CCDC187: variants seen among roughly 807,000 people sequenced by gnomAD.
CCDC187 encodes coiled-coil domain-containing protein 187.
Under a neutral mutation model 38.0 loss-of-function variants are expected in CCDC187, and 32 were observed. The ratio of observed to expected loss-of-function variants is 0.84; its 90% CI spans 0.64 to 1.13. The LOEUF is 1.13. CCDC187 is among the 50% of genes most tolerant of loss of function. The pLI, the probability that CCDC187 is intolerant of heterozygous loss-of-function variation, is 0.00. For synonymous variants in CCDC187, 333 were observed against 347.9 expected, an observed-to-expected ratio of 0.96 and a Z score of 0.48; for missense variants, 707 against 786.8, an observed-to-expected ratio of 0.90 and a Z score of 1.21.
Position 136,251,077 on chromosome 9 carries a change from G to C in CCDC187, c.*2517C>G. The stretch of plus-strand genomic sequence containing the variant: ...CTGGAGTATGCTCCTCTCTGAAGTG[G>C]AGGAGGCCTGAGGCCCTGGACAGGA... On this transcript the variant is annotated 3_prime_UTR_variant, in exon 26 of 26. Transcript: ENST00000638797. The C allele has an allele frequency of 2.2e-6, 1 of 454,468 alleles. No homozygotes were observed. Among genetic ancestry groups the C allele is most frequent in the Non-Finnish European group, 4.4e-6 (1 of 225,452 alleles). 28.2% of individuals were successfully genotyped at this position (454,468 alleles called of 1,614,324 possible). A position where few individuals can be genotyped will look rare whatever the true frequency, so the allele number is the denominator to read the frequency against.
At chr9:136,280,331 T>C (rs1263160211) in intron 10 of CCDC187, among the ~76,000 whole-genome samples, 1 of 152,096 alleles carries the variant, frequency 6.6e-6, no homozygotes, top group African/African-American at 2.4e-5. Context: ...AGAGGGTGTG[T>C]GTGGAAGGAA....
chr9:136,261,951 C>T (rs577108666), intron 19 of CCDC187, among the ~76,000 whole-genome samples: 1 of 152,386 alleles, frequency 6.6e-6, no homozygotes, highest in African/African-American at 2.4e-5. Flanking sequence ...AAAACAGCTC[C>T]TCCTCCCATG....
chr9:136,285,828 G>T (rs1210898834), intron 8 of CCDC187: 3 of 396,950 alleles, frequency 7.6e-6, no homozygotes, highest in African/African-American at 4.1e-5. Context: ...GAACAAGACA[G>T]GAGCAATAGC....
chr9:136,275,088 C>CA (rs1211690529), intron 12 of CCDC187, 81 bp from the exon 13 acceptor site: 1 of 152,312 alleles, frequency 6.6e-6, no homozygotes, highest in East Asian at 1.9e-4. Context: ...GCGGTCAGGC[C>CA]AAGCCCAGTC....
chr9:136,272,654 G>A (rs1426413388), intron 14 of CCDC187, among the ~76,000 whole-genome samples: 2 of 150,998 alleles, frequency 1.3e-5, no homozygotes, highest in African/African-American at 4.9e-5. Flanking sequence ...AGTGAGCCAA[G>A]ATTGCACCTT....
At chr9:136,297,933 A>G (rs1831576034) in intron 3 of CCDC187, 112 bp from the exon 4 acceptor site, 2 of 394,040 alleles carry the variant, frequency 5.1e-6, no homozygotes, top group Admixed American at 8.9e-5. Flanking sequence ...CCCTAGAGCC[A>G]TACACATTGC....
In CCDC187 at chr9:136,283,299, G is replaced by A. The variant is rs972165524; in HGVS notation, c.2928-1636C>T. On this transcript the variant is annotated intron_variant, in intron 9 of 25. Transcript: ENST00000638797. ...AAAGAAACCAGTCTGAGAGGCGGCC[G>A]GGATCTGGGGCACCCGAGAGGCTCA... Among the ~76,000 whole-genome samples the A allele has an allele frequency of 1.3e-3, 194 of 152,326 alleles. 1 individual carries two copies. In the East Asian group the frequency reaches 0.031, roughly 24 times the overall value.
rs71483272 is a variant in CCDC187 at position 136,252,346 on chromosome 9, A to T, written c.*1248T>A. 1.2e-5 allele frequency: 1 copy of T among 86,604 alleles called. No homozygotes were observed. The highest frequency in any genetic ancestry group is 6.0e-4 in the East Asian group (1 of 1,658). The allele number at this position is 86,604 out of a possible 1,614,324, so 5.4% of individuals were successfully genotyped here. A position where few individuals can be genotyped will look rare whatever the true frequency, so the allele number is the denominator to read the frequency against. ...CCACCCTGGGAAGGTCCAGGCGACC[A>T]TCCCGCACAGCCGGCCGCCCACCCC... On this transcript the variant is annotated 3_prime_UTR_variant, in exon 26 of 26. Transcript: ENST00000638797.
chr9:136,293,622 G>A (rs1831438626), intron 4 of CCDC187, among the ~76,000 whole-genome samples: 1 of 150,594 alleles, frequency 6.6e-6, no homozygotes, highest in East Asian at 2.0e-4. Context: ...GCACGCCAAT[G>A]CTGACAGGCA....
intron 17 of CCDC187, among the ~76,000 whole-genome samples, chr9:136,265,296 T>G (rs1157841193): frequency 1.3e-5 from 2 of 152,132 alleles, no homozygotes; most frequent in African/African-American, 4.8e-5. Context: ...CAGCACCGAC[T>G]TTCCCTGGGG....
Position 136,286,672 on chromosome 9 carries a change from G to C in CCDC187, c.2246C>G (p.Ala749Gly), listed in dbSNP as rs1831190298. The C allele has an allele frequency of 2.5e-6, 1 of 398,718 alleles. No individual in the cohort carries two copies. The highest frequency in any genetic ancestry group is 4.4e-5 in the Admixed American group (1 of 22,718). 24.7% of individuals were successfully genotyped at this position (398,718 alleles called of 1,614,324 possible). A position where few individuals can be genotyped will look rare whatever the true frequency, so the allele number is the denominator to read the frequency against. Residue 749 changes from alanine to glycine, a missense_variant, in exon 8 of 26, where the codon GCC (alanine) becomes GGC (glycine). Transcript: ENST00000638797. The stretch of plus-strand genomic sequence containing the variant: ...ATCTAGGGTCTCAGCATGGTTCCAG[G>C]CTCTGTTCAAACACAGGCAGAAGCT... ...PGSFCLCLNR[A>G]WNHAETLDPP...
chr9:136,270,568 G>A (rs1554762263), intron 14 of CCDC187, among the ~76,000 whole-genome samples: 1 of 152,226 alleles, frequency 6.6e-6, no homozygotes, highest in Admixed American at 6.5e-5. Flanking sequence ...GGAGGAACAT[G>A]AAAGTAGACA....
chr9:136,305,186 C>T (rs1831781232), upstream of CCDC187, among the ~76,000 whole-genome samples: 2 of 152,246 alleles, frequency 1.3e-5, no homozygotes, highest in African/African-American at 4.8e-5. Context: ...CCACCTCCAG[C>T]CCCACCTGGC....
intron 20 of CCDC187, among the ~76,000 whole-genome samples, chr9:136,259,813 C>T (rs1564307232): frequency 6.6e-6 from 1 of 152,146 alleles, no homozygotes; most frequent in African/African-American, 2.4e-5. Flanking sequence ...TCTGAGTAGC[C>T]GCCCCATGAG....
At chr9:136,266,631 T>G (rs552436448) in intron 16 of CCDC187, 292 of 152,172 alleles carry the variant, frequency 1.9e-3, no homozygotes, top group African/African-American at 6.7e-3. Flanking sequence ...GCGAAGGGAG[T>G]TACAGCCCTG....
chr9:136,301,337 A>G (rs1831676196), intron 2 of CCDC187, among the ~76,000 whole-genome samples: 1 of 120,822 alleles, frequency 8.3e-6, no homozygotes, highest in African/African-American at 3.2e-5. Flanking sequence ...AAAAGGACAA[A>G]TTCTGTGATT....
chr9:136,266,807 G>A (rs974745367), intron 16 of CCDC187: 2 of 152,300 alleles, frequency 1.3e-5, no homozygotes, highest in Non-Finnish European at 2.9e-5. Flanking sequence ...TCCGCACTGG[G>A]CGTGGTGGCT....
At chr9:136,297,115 G>C (rs1167718744) in intron 4 of CCDC187, among the ~76,000 whole-genome samples, 1 of 152,060 alleles carries the variant, frequency 6.6e-6, no homozygotes, top group Non-Finnish European at 1.5e-5. Context: ...GCCAGTATCT[G>C]TTACTGCTCT....
rs1830611688 is a variant in CCDC187, at chr9:136,256,284, A to G, written c.4543T>C (p.Ser1515Pro). ...EDSMSEEGLE[S>P]GLDFAESPVE... ...GGGCTCTCAGCAAAATCCAGCCCCGATTCCAAGCCCTCTTCGCTCATGCTG... is the reference window on the plus strand; with the variant it reads ...GGGCTCTCAGCAAAATCCAGCCCCGGTTCCAAGCCCTCTTCGCTCATGCTG... Residue 1515 changes from serine (S) to proline (P), a missense_variant, in exon 24 of 26, where the codon TCG becomes CCG. Coordinates refer to ENST00000638797, the MANE Select transcript of CCDC187 (RefSeq NM_001378188.1). The G allele has an allele frequency of 1.0e-6, 1 of 985,544 alleles. No homozygotes were observed. Among genetic ancestry groups the G allele is most frequent in the Admixed American group, 6.1e-5 (1 of 16,296 alleles). 61.0% of individuals were successfully genotyped at this position (985,544 alleles called of 1,614,324 possible). A position where few individuals can be genotyped will look rare whatever the true frequency, so the allele number is the denominator to read the frequency against.
Sources: gnomAD v4.1 joint callset for allele counts (sites outside exome capture counted in the v4.1 genomes callset) on GRCh38, gnomAD v4.1.1 for gene constraint, MANE v1.5 for transcripts, NCBI Gene and HGNC (gene_info 2026-07-23, HGNC 2026-07-21) for gene names.